ADCY9: variants seen among roughly 807,000 people sequenced by gnomAD.
ADCY9 encodes adenylate cyclase 9.
A neutral mutation model predicts 101.5 loss-of-function variants in ADCY9; 50 were observed. That is an observed-to-expected ratio of 0.49 (90% confidence interval 0.39 to 0.62). The LOEUF is 0.62. Among genes scored for constraint, ADCY9 ranks in the 20% least tolerant of loss-of-function variants. ADCY9 has a pLI of 0.00. For missense variants in ADCY9, 1,662 were observed against 1,800.4 expected (o/e 0.92, Z 1.39); for synonymous variants, 905 against 769.3 (o/e 1.18, Z -2.92).
intron 2 of ADCY9, among the ~76,000 whole-genome samples, chr16:4,079,619 T>C (rs951731490): frequency 2.6e-5 from 4 of 152,024 alleles, no homozygotes; most frequent in Non-Finnish European, 4.4e-5. Context: ...CAGATTTAAG[T>C]GGAAAGGTAT....
rs78610525 is a variant in ADCY9 at position 4,057,048 on chromosome 16, C to G, written c.1694-49490G>C. Among the ~76,000 whole-genome samples the G allele has an allele frequency of 1.0e-3, 127 of 126,432 alleles. 7 individuals carry two copies. The Middle Eastern group carries it at 0.012, about 12-fold the overall frequency. The allele number at this position is 126,432 out of a possible 152,430, so 82.9% of individuals were successfully genotyped here. On this transcript the variant is annotated intron_variant, in intron 2 of 10. Transcript: ENST00000294016. ...TGTACTGATGAAACCGCCCCCCCCC[C>G]CCCCGCCAATCTTACTCTTCTGTTA...
chr16:3,983,443 G>T lies in ADCY9; in HGVS notation c.2311-3C>A, dbSNP rs1282838980. ...TTCACGGGGGAGTTCTTTATGACCT[G>T]TGTGGAGCAGGAGTGGAGCAGAATG... On this transcript the variant is annotated splice_region_variant and splice_polypyrimidine_tract_variant and intron_variant, in intron 6 of 10. Transcript: ENST00000294016. The T allele has an allele frequency of 3.1e-6, 5 of 1,596,046 alleles. No individual in the cohort carries two copies. The highest frequency in any genetic ancestry group is 4.5e-5 in the East Asian group (2 of 44,084).
rs376170586 is a variant in ADCY9 at position 3,983,222 on chromosome 16, C to T, written c.2519+10G>A. 235 of 1,545,466 alleles carry T rather than the reference C, an allele frequency of 1.5e-4. No individual in the cohort carries two copies. Among genetic ancestry groups the T allele is most frequent in the Middle Eastern group, 1.9e-4 (1 of 5,228 alleles). ...CTCAGAGCTGGAGACCCAGTCCACG[C>T]GGCGCTTACCTGATGGACACCGCGA... On this transcript the variant is annotated intron_variant, in intron 7 of 10. Coordinates refer to ENST00000294016, the MANE Select transcript of ADCY9 (RefSeq NM_001116.4).
chr16:3,971,917 G>A (rs2056055416), intron 10 of ADCY9, among the ~76,000 whole-genome samples: 1 of 152,200 alleles, frequency 6.6e-6, no homozygotes, highest in Non-Finnish European at 1.5e-5. Context: ...CTCGAGACGG[G>A]CGCAGGCCAG....
chr16:3,961,410 T>C (rs1180977009), downstream of ADCY9, among the ~76,000 whole-genome samples: 2 of 150,892 alleles, frequency 1.3e-5, no homozygotes, highest in Non-Finnish European at 3.0e-5. Flanking sequence ...TGATGGTCAC[T>C]GCACTCCAGC....
chr16:4,111,677 A>G (rs1381296880), intron 2 of ADCY9, among the ~76,000 whole-genome samples: 1 of 152,168 alleles, frequency 6.6e-6, no homozygotes, highest in Non-Finnish European at 1.5e-5. Flanking sequence ...AGCTAAAGGA[A>G]AGAATATCAC....
chr16:4,077,878 CTGT>C (rs2056877595), intron 2 of ADCY9, among the ~76,000 whole-genome samples: 2 of 147,652 alleles, frequency 1.4e-5, no homozygotes, highest in Non-Finnish European at 3.0e-5. Context: ...TGGTGCACAC[CTGT>C]AATCCTAGTA....
chr16:4,083,767 T>A (rs926426757), intron 2 of ADCY9, among the ~76,000 whole-genome samples: 2 of 152,158 alleles, frequency 1.3e-5, no homozygotes, highest in Non-Finnish European at 2.9e-5. Context: ...AAGGGCCACA[T>A]ATGATGTGAT....
intron 2 of ADCY9, among the ~76,000 whole-genome samples, chr16:4,035,777 T>C (rs550351487): frequency 6.6e-6 from 1 of 152,048 alleles, no homozygotes; most frequent in South Asian, 2.1e-4. Context: ...GGCAGGCGGA[T>C]CACCTGAGGT....
chr16:4,104,071 C>A (rs1465043031), intron 2 of ADCY9, among the ~76,000 whole-genome samples: 1 of 152,168 alleles, frequency 6.6e-6, no homozygotes, highest in Non-Finnish European at 1.5e-5. Context: ...TACACGTGAC[C>A]TACAGACAAA....
rs1020348797 is a variant in ADCY9, at chr16:3,992,852, C to G, written c.1990-489G>C. On this transcript the variant is annotated intron_variant, in intron 4 of 10. Coordinates refer to ENST00000294016, the MANE Select transcript of ADCY9 (RefSeq NM_001116.4). This position sits in a 1 kb window ranked among gnomAD's most constrained non-coding sequence, Gnocchi z 4.2. ...CTGTGGGAAGGCATGGGATGACCTG[C>G]ACCTGCAATCCTTTGGCAGATGGAG... 6.6e-6 allele frequency among the ~76,000 whole-genome samples: 1 copy of G among 152,090 alleles called. No homozygotes were observed. The highest frequency in any genetic ancestry group is 1.5e-5 in the Non-Finnish European group (1 of 68,014).
At chr16:4,111,042 G>A (rs1163812471) in intron 2 of ADCY9, among the ~76,000 whole-genome samples, 2 of 152,208 alleles carry the variant, frequency 1.3e-5, no homozygotes, top group African/African-American at 2.4e-5. Context: ...CCAGGGGCAC[G>A]ACACAGATTT....
chr16:4,045,985 C>T (rs367592451), intron 2 of ADCY9, among the ~76,000 whole-genome samples: 1 of 149,204 alleles, frequency 6.7e-6, no homozygotes, highest in Non-Finnish European at 1.5e-5. Flanking sequence ...GCTGGGACTA[C>T]AGTTGCATAC....
intron 7 of ADCY9, chr16:3,981,924 G>C (rs1192436220): frequency 6.6e-6 from 1 of 152,208 alleles, no homozygotes; most frequent in Non-Finnish European, 1.5e-5. Flanking sequence ...TTTTTAAAGA[G>C]GAAAAACAAA....
At chr16:3,976,230 A>T (rs889077945) in intron 9 of ADCY9, among the ~76,000 whole-genome samples, 4 of 152,136 alleles carry the variant, frequency 2.6e-5, no homozygotes, top group Admixed American at 2.6e-4. Context: ...GAGCTCAGAC[A>T]ATCCACCCGC....
At chr16:4,049,090 G>C (rs776394388) in intron 2 of ADCY9, among the ~76,000 whole-genome samples, 28 of 152,186 alleles carry the variant, frequency 1.8e-4, no homozygotes, top group Admixed American at 3.9e-4. Flanking sequence ...CTAAGAGCAA[G>C]CGACTCACAG....
intron 10 of ADCY9, among the ~76,000 whole-genome samples, chr16:3,968,617 G>A (rs1420915554): frequency 6.6e-6 from 1 of 152,148 alleles, no homozygotes; most frequent in Non-Finnish European, 1.5e-5. Context: ...TTTTCTCATG[G>A]CTGTGCAGTG....
rs539510279 is a variant in ADCY9 at position 4,067,041 on chromosome 16, A to T, written c.1693+46709T>A. Among the ~76,000 whole-genome samples, 232 of 152,352 alleles carry T rather than the reference A, an allele frequency of 1.5e-3. 1 individual carries two copies. The highest frequency in any genetic ancestry group is 5.3e-3 in the African/African-American group (220 of 41,596). On this transcript the variant is annotated intron_variant, in intron 2 of 10. Coordinates refer to ENST00000294016, the MANE Select transcript of ADCY9 (RefSeq NM_001116.4). ...GACTGCAAGTGCTCATCTGAGACAG[A>T]TTTAGAGAAAATTGCGGCTGATGCC...
chr16:4,089,218 G>C (rs1372597272), intron 2 of ADCY9, among the ~76,000 whole-genome samples: 1 of 152,000 alleles, frequency 6.6e-6, no homozygotes, highest in Non-Finnish European at 1.5e-5. Flanking sequence ...GGGACCACAG[G>C]TGCATGCCAC....
Sources: allele counts gnomAD v4.1 joint callset (sites outside exome capture counted in the v4.1 genomes callset), GRCh38; gene constraint gnomAD v4.1.1; non-coding constraint Gnocchi (gnomAD v3.1); transcripts MANE v1.5; gene names NCBI Gene and HGNC (gene_info 2026-07-23, HGNC 2026-07-21).